NPHP4: variants seen among roughly 807,000 people sequenced by gnomAD.
The protein encoded by NPHP4 is nephrocystin 4.
Under a neutral mutation model 155.8 loss-of-function variants are expected in NPHP4, and 151 were observed. The ratio of observed to expected loss-of-function variants is 0.97; its 90% CI spans 0.85 to 1.11. NPHP4 has a LOEUF of 1.11. NPHP4 is among the 50% of genes least tolerant of loss of function. The pLI, the probability that NPHP4 is intolerant of heterozygous loss-of-function variation, is 0.00. For synonymous variants in NPHP4, 845 were observed against 816.8 expected (o/e 1.03, Z -0.59); for missense variants, 1,956 against 1,925.7 (o/e 1.02, Z -0.29).
chr1:5,880,548 G>A, intron 18 of NPHP4: 1 of 352,808 alleles, frequency 2.8e-6, no homozygotes, highest in Non-Finnish European at 5.4e-6. Context: ...GGATCTCTGG[G>A]TCGCAAGGCG....
At chr1:5,951,875 C>G (rs143561184) in intron 7 of NPHP4, among the ~76,000 whole-genome samples, 1 of 152,328 alleles carries the variant, frequency 6.6e-6, no homozygotes, top group East Asian at 1.9e-4. Context: ...TTTTACAGCT[C>G]GCAAGCCAGA....
intron 16 of NPHP4, among the ~76,000 whole-genome samples, chr1:5,899,549 G>C (rs1465190226): frequency 6.6e-6 from 1 of 152,214 alleles, no homozygotes; most frequent in Non-Finnish European, 1.5e-5. Context: ...AGCCCCTTCC[G>C]GGCTGGGAGG....
chr1:5,969,314 A>G, intron 3 of NPHP4, 55 bp from the exon 4 acceptor site: 1 of 1,275,478 alleles, frequency 7.8e-7, no homozygotes, highest in South Asian at 1.7e-5. Context: ...CACAAAGAGG[A>G]CATGGGCGCT....
Position 5,867,251 on chromosome 1 carries a change from C to A in NPHP4, c.3473-136G>T. 1 of 647,820 alleles carries A rather than the reference C, an allele frequency of 1.5e-6. No individual in the cohort carries two copies. The highest frequency in any genetic ancestry group is 2.8e-5 in the East Asian group (1 of 36,248). The allele number at this position is 647,820 out of a possible 1,614,324, so 40.1% of individuals were successfully genotyped here. On this transcript the variant is annotated intron_variant, in intron 24 of 29. Transcript: ENST00000378156. The surrounding 1 kb of genome is among the most constrained non-coding windows in gnomAD (Gnocchi z 4.1). Reference sequence around the variant, plus strand: ...GCAAGACACCTGCTGGGGAAACGGACGCCGCCACCTTTCCCAGGACAGCAT... The same window carrying A: ...GCAAGACACCTGCTGGGGAAACGGAAGCCGCCACCTTTCCCAGGACAGCAT...
chr1:5,906,532 G>T (rs959873146), intron 13 of NPHP4, among the ~76,000 whole-genome samples: 2 of 152,262 alleles, frequency 1.3e-5, no homozygotes, highest in African/African-American at 4.8e-5. Context: ...GACTCATGGT[G>T]CTAGGAGTGT....
rs765444252 is a variant in NPHP4 at position 5,867,802 on chromosome 1, T to C, written c.3410A>G (p.Tyr1137Cys). 18 of 1,612,884 alleles carry C rather than the reference T, an allele frequency of 1.1e-5. No homozygotes were observed. Among genetic ancestry groups the C allele is most frequent in the Middle Eastern group, 1.6e-4 (1 of 6,084 alleles). Residue 1137 changes from tyrosine to cysteine, a missense_variant, in exon 24 of 30, where the codon TAT becomes TGT. Transcript: ENST00000378156. This position sits in a 1 kb window ranked among gnomAD's most constrained non-coding sequence, Gnocchi z 4.1. ...CTTCAGGAAGGAGAGCTCCGGGTGATAGAAGCGGAAGACCTGGTCCACCAC... is the reference window on the plus strand; with the variant it reads ...CTTCAGGAAGGAGAGCTCCGGGTGACAGAAGCGGAAGACCTGGTCCACCAC... ...PHVVDQVFRF[Y>C]HPELSFLKKA...
intron 5 of NPHP4, among the ~76,000 whole-genome samples, chr1:5,963,309 C>T (rs775925067): frequency 1.3e-5 from 2 of 151,842 alleles, no homozygotes; most frequent in Non-Finnish European, 2.9e-5. Context: ...GCAGGAGAAT[C>T]GCTTGAACCC....
chr1:5,894,589 C>G (rs960920442), intron 16 of NPHP4, among the ~76,000 whole-genome samples: 2 of 151,812 alleles, frequency 1.3e-5, no homozygotes, highest in Non-Finnish European at 2.9e-5. Context: ...TTATCAGTAT[C>G]AACAATCTTA....
At chr1:5,979,215 T>C (rs1158231503) in intron 2 of NPHP4, among the ~76,000 whole-genome samples, 2 of 152,268 alleles carry the variant, frequency 1.3e-5, no homozygotes, top group East Asian at 3.8e-4. Flanking sequence ...TACACATCTA[T>C]TCTGCGCATT....
chr1:5,986,217 A>C lies in NPHP4; in HGVS notation c.73T>G (p.Trp25Gly). 3 of 1,613,870 alleles carry C rather than the reference A, an allele frequency of 1.9e-6. No individual in the cohort carries two copies. The highest frequency in any genetic ancestry group is 2.2e-5 in the South Asian group (2 of 91,052). The change falls in exon 2 of 30, where the codon TGG (tryptophan) becomes GGG (glycine). Residue 25 changes from tryptophan (W) to glycine (G), a missense_variant. By Grantham distance (184) the Trp-to-Gly change is radical. Coordinates refer to ENST00000378156, the MANE Select transcript of NPHP4 (RefSeq NM_015102.5). Reference protein sequence around the residue: ...PPHPQRARQPWKESTAFQCVL... With the variant: ...PPHPQRARQPGKESTAFQCVL... ...CACTGGAATGCCGTGGATTCCTTCC[A>C]AGGCTGGCGCGCTCTCTGTGGGTGG...
At chr1:5,874,739 G>T in intron 21 of NPHP4, 82 bp from the exon 22 acceptor site, 1 of 1,523,440 alleles carries the variant, frequency 6.6e-7, no homozygotes, top group Non-Finnish European at 9.0e-7. Flanking sequence ...CACCGAGAGC[G>T]GTGCTCAGAG....
intron 6 of NPHP4, among the ~76,000 whole-genome samples, chr1:5,958,646 G>A (rs1462683398): frequency 6.6e-6 from 1 of 150,872 alleles, no homozygotes; most frequent in Non-Finnish European, 1.5e-5. Flanking sequence ...AGTGAGCCGA[G>A]ATTGTGCCAC....
chr1:5,887,126 G>A (rs1031044911), intron 18 of NPHP4, among the ~76,000 whole-genome samples, 160 bp downstream of exon 18: 5 of 152,170 alleles, frequency 3.3e-5, no homozygotes, highest in African/African-American at 7.2e-5. Context: ...CAGACTCAGC[G>A]GCCAAGGACA....
chr1:5,946,099 A>G lies in NPHP4; in HGVS notation c.1119+1005T>C, dbSNP rs113995025. Among the ~76,000 whole-genome samples the G allele has an allele frequency of 3.4e-3, 524 of 152,364 alleles. 4 individuals are homozygous for G. Among genetic ancestry groups the G allele is most frequent in the African/African-American group, 0.012 (502 of 41,582 alleles). On this transcript the variant is annotated intron_variant, in intron 9 of 29. Coordinates refer to ENST00000378156, the MANE Select transcript of NPHP4 (RefSeq NM_015102.5). ...TTTATAAACTGTGTCATAGGTATGT[A>G]TATGCAGGACAAAACCTAGTATGTA...
At chr1:5,914,023 ACG>A (rs1450882206) in intron 11 of NPHP4, among the ~76,000 whole-genome samples, 1 of 152,026 alleles carries the variant, frequency 6.6e-6, no homozygotes, top group Non-Finnish European at 1.5e-5. Flanking sequence ...TTCATCACGC[ACG>A]CGGGCCAGGA....
intron 2 of NPHP4, among the ~76,000 whole-genome samples, chr1:5,980,830 G>T (rs1654558228): frequency 6.6e-6 from 1 of 152,084 alleles, no homozygotes; most frequent in Non-Finnish European, 1.5e-5. Flanking sequence ...AAGACTCCAA[G>T]CCCAGCTCCC....
chr1:5,907,001 C>A (rs978791398), intron 13 of NPHP4, 114 bp downstream of exon 13: 2 of 527,238 alleles, frequency 3.8e-6, no homozygotes, highest in Admixed American at 7.5e-5. Context: ...TCCCAGGTAA[C>A]CCGCCAAGGT....
intron 16 of NPHP4, among the ~76,000 whole-genome samples, chr1:5,901,921 T>C (rs1309369404): frequency 6.6e-6 from 1 of 152,136 alleles, no homozygotes; most frequent in Non-Finnish European, 1.5e-5. Flanking sequence ...TTCAGGAAGG[T>C]TGGAACCGCC....
At position 5,986,306 on chromosome 1, in the gene NPHP4, T is replaced by C; in HGVS notation, c.-17A>G. ...GTCGTTCATCCTGCCCGCCTGAGGG[T>C]CCCGTGGGCTTCCCGGATGATCTGT... On this transcript the variant is annotated 5_prime_UTR_variant, in exon 2 of 30. Coordinates refer to ENST00000378156, the MANE Select transcript of NPHP4 (RefSeq NM_015102.5). 1 of 1,613,090 alleles carries C rather than the reference T, an allele frequency of 6.2e-7. No individual in the cohort carries two copies. The highest frequency in any genetic ancestry group is 8.5e-7 in the Non-Finnish European group (1 of 1,179,468).
Sources: allele counts gnomAD v4.1 joint callset (sites outside exome capture counted in the v4.1 genomes callset), GRCh38; gene constraint gnomAD v4.1.1; non-coding constraint Gnocchi (gnomAD v3.1); transcripts MANE v1.5; gene names NCBI Gene and HGNC (gene_info 2026-07-23, HGNC 2026-07-21).